Variants in NEK7 observed in about 807,000 individuals in gnomAD.
NEK7 encodes the protein NIMA related kinase 7.
In NEK7, 18 loss-of-function variants were observed where a neutral mutation model predicts 44.6. The ratio of observed to expected loss-of-function variants is 0.40; its 90% CI spans 0.28 to 0.60. NEK7 has a LOEUF of 0.60. NEK7 is among the 20% of genes least tolerant of loss of function. The pLI, the probability that NEK7 is intolerant of heterozygous loss-of-function variation, is 0.38. For synonymous variants in NEK7, 130 were observed against 121.1 expected (o/e 1.07, Z -0.48); for missense variants, 256 against 366.5 (o/e 0.70, Z 2.46).
chr1:198,259,853 G>A (rs938176314), intron 3 of NEK7, among the ~76,000 whole-genome samples: 1 of 151,866 alleles, frequency 6.6e-6, no homozygotes, highest in Non-Finnish European at 1.5e-5. Context: ...AGGGCATTAC[G>A]CATTCCTGCT....
intron 2 of NEK7, among the ~76,000 whole-genome samples, chr1:198,247,606 T>G (rs1449034780): frequency 1.3e-5 from 2 of 152,210 alleles, no homozygotes; most frequent in African/African-American, 4.8e-5. Flanking sequence ...TTTGAAAAAT[T>G]TCTTGTACTC....
chr1:198,302,633 A>G (rs1411958207), intron 9 of NEK7, among the ~76,000 whole-genome samples: 1 of 152,146 alleles, frequency 6.6e-6, no homozygotes, highest in Non-Finnish European at 1.5e-5. Flanking sequence ...ATTGAACTAA[A>G]CTGATTTCAG....
At chr1:198,283,911 A>G (rs1654289404) in intron 7 of NEK7, among the ~76,000 whole-genome samples, 1 of 152,126 alleles carries the variant, frequency 6.6e-6, no homozygotes, top group Non-Finnish European at 1.5e-5. Context: ...ACAGTGGTCT[A>G]GGTCTGCAGC....
At chr1:198,315,306 C>G (rs565210649) in intron 9 of NEK7, among the ~76,000 whole-genome samples, 1 of 152,180 alleles carries the variant, frequency 6.6e-6, no homozygotes, top group Admixed American at 6.5e-5. Flanking sequence ...GCGCATGGTG[C>G]GCGCACCCAC....
intron 1 of NEK7, among the ~76,000 whole-genome samples, chr1:198,161,245 A>G (rs1166274162): frequency 6.6e-6 from 1 of 152,112 alleles, no homozygotes; most frequent in African/African-American, 2.4e-5. Context: ...GTAGTGGGTA[A>G]GGGCTACTTT....
At chr1:198,227,099 A>G (rs1208962414) in intron 1 of NEK7, among the ~76,000 whole-genome samples, 1 of 151,630 alleles carries the variant, frequency 6.6e-6, no homozygotes, top group African/African-American at 2.4e-5. Context: ...ATTCCCACCT[A>G]TGAGTGAGAA....
intron 1 of NEK7, among the ~76,000 whole-genome samples, chr1:198,226,880 C>A (rs1357938672): frequency 6.9e-6 from 1 of 145,920 alleles, no homozygotes; most frequent in Non-Finnish European, 1.5e-5. Flanking sequence ...TTTTTTTTTT[C>A]ATTATACTTT....
chr1:198,252,981 TTG>T, intron 2 of NEK7, 57 bp from the exon 3 acceptor site: 1 of 1,376,314 alleles, frequency 7.3e-7, no homozygotes, highest in Non-Finnish European at 1.0e-6. Context: ...TGATCAGTGA[TTG>T]TGTGTATTGC....
Position 198,272,780 on chromosome 1 carries a change from T to TG in NEK7, c.373-5180dup, listed in dbSNP as rs565566356. On this transcript the variant is annotated intron_variant, in intron 5 of 9. Transcript: ENST00000367385. ...GGACCATTCTTTTTAGTAATTCTGA[T>TG]GCATTCATGTGTTTTTATTGTTGAT... is the stretch of plus-strand genomic sequence containing the variant. 3.7e-4 allele frequency among the ~76,000 whole-genome samples: 56 copies of TG among 150,298 alleles called. 1 individual carries two copies. In the South Asian group the frequency reaches 0.012, roughly 31 times the overall value.
At chr1:198,315,799 T>G (rs1655352171) in intron 9 of NEK7, among the ~76,000 whole-genome samples, 3 of 152,198 alleles carry the variant, frequency 2.0e-5, no homozygotes, top group Admixed American at 2.0e-4. Context: ...AAAAAAATAC[T>G]AATATTTCAG....
chr1:198,218,630 A>C (rs1319504302), intron 1 of NEK7, among the ~76,000 whole-genome samples: 1 of 152,008 alleles, frequency 6.6e-6, no homozygotes, highest in Non-Finnish European at 1.5e-5. Flanking sequence ...CAGAATAGAC[A>C]ACCTGTAGAA....
At chr1:198,260,749 A>G (rs1653435255) in intron 3 of NEK7, among the ~76,000 whole-genome samples, 1 of 152,064 alleles carries the variant, frequency 6.6e-6, no homozygotes, top group African/African-American at 2.4e-5. Context: ...TAAATTTGAT[A>G]CTTGAAGTTT....
At chr1:198,256,241 C>T in intron 3 of NEK7, 5 of 1,388,838 alleles carry the variant, frequency 3.6e-6, no homozygotes, top group Admixed American at 2.8e-5. Context: ...TTTTTAAGGC[C>T]CTTCCCTACT....
At chr1:198,182,782 T>C (rs1448218746) in intron 1 of NEK7, among the ~76,000 whole-genome samples, 1 of 152,118 alleles carries the variant, frequency 6.6e-6, no homozygotes, top group African/African-American at 2.4e-5. Context: ...AGAAGGCTTA[T>C]TATGGGAAAA....
chr1:198,167,991 A>G (rs1385713310), intron 1 of NEK7, among the ~76,000 whole-genome samples: 2 of 152,156 alleles, frequency 1.3e-5, no homozygotes, highest in East Asian at 3.8e-4. Context: ...CAATTTTAAA[A>G]CTGTTTTCTA....
At chr1:198,314,202 C>G (rs1655280333) in intron 9 of NEK7, among the ~76,000 whole-genome samples, 1 of 152,156 alleles carries the variant, frequency 6.6e-6, no homozygotes, top group Non-Finnish European at 1.5e-5. Context: ...ATCGCTGATA[C>G]CCTTTCTTCC....
intron 1 of NEK7, among the ~76,000 whole-genome samples, chr1:198,217,840 TA>T (rs35485996): frequency 0.26 from 27,889 of 107,100 alleles, 3,148 homozygotes; most frequent in African/African-American, 0.38. Context: ...ACAATAGCTA[TA>T]AAAAAAAAAA....
chr1:198,206,008 ATTGTC>A (rs1665588001), intron 1 of NEK7, among the ~76,000 whole-genome samples: 2 of 152,160 alleles, frequency 1.3e-5, no homozygotes, highest in Non-Finnish European at 1.5e-5. Context: ...TATATTATTT[ATTGTC>A]TTAATTTCAT....
At chr1:198,246,599 T>C (rs1666843256) in intron 2 of NEK7, among the ~76,000 whole-genome samples, 1 of 152,254 alleles carries the variant, frequency 6.6e-6, no homozygotes, top group African/African-American at 2.4e-5. Flanking sequence ...ACCAAGACAG[T>C]GTGTGATCTG....
Sources: gnomAD v4.1 joint callset for allele counts (sites outside exome capture counted in the v4.1 genomes callset) on GRCh38, gnomAD v4.1.1 for gene constraint, MANE v1.5 for transcripts, NCBI Gene and HGNC (gene_info 2026-07-23, HGNC 2026-07-21) for gene names.